The following POC5 variants were observed in gnomAD, a reference collection of about 807,000 sequenced individuals.
The protein encoded by POC5 is POC5 centriolar protein.
A neutral mutation model predicts 62.9 loss-of-function variants in POC5; 48 were observed. That is an observed-to-expected ratio of 0.76 (90% CI 0.61 to 0.97). POC5 has a LOEUF of 0.97. Among genes scored for constraint, POC5 ranks in the 50% least tolerant of loss-of-function variants. POC5 has a pLI of 0.00. For synonymous variants in POC5, 236 were observed against 228.2 expected, an observed-to-expected ratio of 1.03 and a Z score of -0.31; for missense variants, 696 against 679.5, an observed-to-expected ratio of 1.02 and a Z score of -0.27.
chr5:75,683,638 A>G (rs756485082), intron 10 of POC5, among the ~76,000 whole-genome samples: 2 of 152,180 alleles, frequency 1.3e-5, no homozygotes, highest in African/African-American at 2.4e-5. Flanking sequence ...GGTTTGCAGA[A>G]TACAAGTTTA....
chr5:75,695,177 T>C (rs1427605002), intron 5 of POC5, among the ~76,000 whole-genome samples: 2 of 152,186 alleles, frequency 1.3e-5, no homozygotes, highest in African/African-American at 2.4e-5. Context: ...GGGAAACACA[T>C]AACTATGGCA....
At chr5:75,703,439 A>C (rs926471777) in intron 4 of POC5, among the ~76,000 whole-genome samples, 1 of 152,030 alleles carries the variant, frequency 6.6e-6, no homozygotes, top group African/African-American at 2.4e-5. Flanking sequence ...CATCCTGGCC[A>C]ACAAGGTGAA....
chr5:75,689,332 A>G (rs1776223386), intron 8 of POC5, 167 bp from the exon 9 acceptor site: 3 of 985,082 alleles, frequency 3.0e-6, no homozygotes, highest in African/African-American at 1.7e-5. Flanking sequence ...TCTTACCTCT[A>G]TTATCTCCAT....
chr5:75,687,278 C>A (rs1427681482), intron 9 of POC5, among the ~76,000 whole-genome samples: 1 of 152,176 alleles, frequency 6.6e-6, no homozygotes, highest in Non-Finnish European at 1.5e-5. Context: ...GATCCACTCA[C>A]CTCGGCCTCC....
At position 75,677,535 on chromosome 5, in the gene POC5, T is replaced by C. The variant is rs181310662; in HGVS notation, c.1584+239A>G. 1.0e-4 allele frequency: 28 copies of C among 275,470 alleles called. No individual in the cohort carries two copies. In the Admixed American group the frequency reaches 1.0e-3, roughly 10 times the overall value. 17.1% of individuals were successfully genotyped at this position (275,470 alleles called of 1,614,324 possible). A position where few individuals can be genotyped will look rare whatever the true frequency, so the allele number is the denominator to read the frequency against. On this transcript the variant is annotated intron_variant, in intron 11 of 11. Transcript: ENST00000428202. ...TTTAGTATTTTATAATTTTTACAGT[T>C]TGGAAGAAACGATGTTTCTGAAATT... is the stretch of plus-strand genomic sequence containing the variant.
chr5:75,699,341 C>T (rs1311012626), intron 5 of POC5, among the ~76,000 whole-genome samples: 5 of 152,000 alleles, frequency 3.3e-5, no homozygotes, highest in South Asian at 2.1e-4. Flanking sequence ...CAAACCGAAT[C>T]CAGCAGCACA....
intron 9 of POC5, among the ~76,000 whole-genome samples, chr5:75,687,919 C>A (rs948494021): frequency 3.9e-5 from 6 of 152,090 alleles, no homozygotes; most frequent in African/African-American, 1.4e-4. Flanking sequence ...CCCTGATACT[C>A]AAATAAAAGA....
rs1777088189 is a variant in POC5, at chr5:75,705,739, C to T, written c.272G>A (p.Cys91Tyr). ...RETAIEVGKG[C>Y]DFHISSHSKT... ...TGAATGACTTGAAATATGGAAATCA[C>T]ATCCTTTTCCAACTTCTATTGCAGT... Residue 91 changes from cysteine to tyrosine, a missense_variant, in exon 4 of 12, where the codon TGT becomes TAT. By Grantham distance (194) the Cys-to-Tyr change is radical. Coordinates refer to ENST00000428202, the MANE Select transcript of POC5 (RefSeq NM_001099271.2). 1 of 1,554,768 alleles carries T rather than the reference C, an allele frequency of 6.4e-7. No homozygotes were observed. Among genetic ancestry groups the T allele is most frequent in the Non-Finnish European group, 8.7e-7 (1 of 1,150,142 alleles).
intron 5 of POC5, among the ~76,000 whole-genome samples, chr5:75,702,058 C>T (rs1485264823): frequency 6.6e-6 from 1 of 152,000 alleles, no homozygotes; most frequent in Non-Finnish European, 1.5e-5. Flanking sequence ...TAAAACCTGG[C>T]AACTCAAAGT....
In POC5 at chr5:75,690,573, G is replaced by A. The variant is rs1776287601; in HGVS notation, c.796-11C>T. 3 of 1,533,240 alleles carry A rather than the reference G, an allele frequency of 2.0e-6. No homozygotes were observed. The highest frequency in any genetic ancestry group is 2.6e-6 in the Non-Finnish European group (3 of 1,138,272). 95.0% of individuals were successfully genotyped at this position (1,533,240 alleles called of 1,614,324 possible). A position where few individuals can be genotyped will look rare whatever the true frequency, so the allele number is the denominator to read the frequency against. On this transcript the variant is annotated splice_polypyrimidine_tract_variant and intron_variant, in intron 7 of 11. Coordinates refer to ENST00000428202, the MANE Select transcript of POC5 (RefSeq NM_001099271.2). The stretch of plus-strand genomic sequence containing the variant: ...TTTACCTTCATAAACCTAAATAAAA[G>A]TAAAATATAACTTCAAAAACACAGT...
chr5:75,711,768 A>G (rs544638473), intron 2 of POC5, among the ~76,000 whole-genome samples: 109 of 152,336 alleles, frequency 7.2e-4, no homozygotes, highest in African/African-American at 2.4e-3. Flanking sequence ...AACACAAAAT[A>G]ATTTCTGGCA....
At chr5:75,707,702 T>C in intron 3 of POC5, 35 bp downstream of exon 3, 1 of 1,436,434 alleles carries the variant, frequency 7.0e-7, no homozygotes, top group East Asian at 2.5e-5. Flanking sequence ...CAGTAATATT[T>C]TAAATTAAGA....
chr5:75,702,249 C>A (rs1333289643), intron 5 of POC5, among the ~76,000 whole-genome samples: 1 of 152,048 alleles, frequency 6.6e-6, no homozygotes, highest in Non-Finnish European at 1.5e-5. Context: ...TTGATAGGTG[C>A]AGCAAACCAC....
At chr5:75,712,977 CT>C in intron 1 of POC5, 26 bp from the exon 2 acceptor site, 1 of 1,493,396 alleles carries the variant, frequency 6.7e-7, no homozygotes, top group East Asian at 2.3e-5. Flanking sequence ...CTAACTTTAG[CT>C]TTTTTCCTTG....
intron 9 of POC5, 147 bp from the exon 10 acceptor site, chr5:75,685,631 A>G: frequency 1.2e-6 from 1 of 810,804 alleles, no homozygotes; most frequent in South Asian, 1.8e-5. Flanking sequence ...TTCAGTTAAT[A>G]CAGTTTGTCA....
At chr5:75,703,534 G>A (rs1239148093) in intron 4 of POC5, among the ~76,000 whole-genome samples, 1 of 152,128 alleles carries the variant, frequency 6.6e-6, no homozygotes, top group Non-Finnish European at 1.5e-5. Flanking sequence ...GCTGAGGCAG[G>A]AGAATTGCTT....
At chr5:75,715,384 G>A (rs1777516728) in intron 1 of POC5, among the ~76,000 whole-genome samples, 1 of 151,190 alleles carries the variant, frequency 6.6e-6, no homozygotes. Context: ...TTGACTCACA[G>A]TTCCGCATGT....
intron 6 of POC5, among the ~76,000 whole-genome samples, chr5:75,693,937 A>G (rs1776450128): frequency 6.6e-6 from 1 of 152,234 alleles, no homozygotes; most frequent in African/African-American, 2.4e-5. Context: ...GGAAAGTGAA[A>G]TAAAAGATGT....
chr5:75,707,070 G>T (rs3797581), intron 3 of POC5, among the ~76,000 whole-genome samples: 33,521 of 152,130 alleles, frequency 0.22, 3,806 homozygotes, highest in African/African-American at 0.27. Context: ...GTGATAACTG[G>T]TCCTTATCAG....
Sources: gnomAD v4.1 joint callset for allele counts (sites outside exome capture counted in the v4.1 genomes callset) on GRCh38, gnomAD v4.1.1 for gene constraint, MANE v1.5 for transcripts, NCBI Gene and HGNC (gene_info 2026-07-23, HGNC 2026-07-21) for gene names.